Variants in HCFC1 observed in about 807,000 individuals in gnomAD.
HCFC1 encodes the protein host cell factor C1.
Under a neutral mutation model 105.5 loss-of-function variants are expected in HCFC1, and 7 were observed. That is an observed-to-expected ratio of 0.07 (90% CI 0.04 to 0.12). The LOEUF is 0.12. HCFC1 is among the 10% of genes least tolerant of loss of function. The pLI is 1.00. For synonymous variants in HCFC1, 918 were observed against 828.1 expected (o/e 1.11, Z -1.86); for missense variants, 1,065 against 1,823.6 (o/e 0.58, Z 7.58).
In HCFC1 at chrX:153,957,539, AG is replaced by A. The variant is rs35008905; in HGVS notation, c.2134-7del. ...GCTGGCAGGGGCCCTTTGGTCTGAA[AG>A]GGGGAAGCAGGTGCATGAGCCGGCA... On this transcript the variant is annotated splice_region_variant and splice_polypyrimidine_tract_variant and intron_variant, in intron 12 of 25. Transcript: ENST00000310441. 2 of 1,158,976 alleles carry A rather than the reference AG, an allele frequency of 1.7e-6. No homozygotes were observed. Among genetic ancestry groups the A allele is most frequent in the Non-Finnish European group, 1.2e-6 (1 of 853,483 alleles).
chrX:153,949,540 G>T lies in HCFC1; in HGVS notation c.6068+13C>A. The stretch of plus-strand genomic sequence containing the variant: ...TAGTCTCAGAAGGTTCCCGAGAGGG[G>T]CTTCCTGCTTACATTTCTGGAGAGG... On this transcript the variant is annotated intron_variant, in intron 25 of 25. Transcript: ENST00000310441. The T allele has an allele frequency of 8.3e-7, 1 of 1,205,823 alleles. No individual in the cohort carries two copies. Among genetic ancestry groups the T allele is most frequent in the Admixed American group, 2.2e-5 (1 of 46,085 alleles).
At chrX:153,962,152 G>A (rs1435330371) in intron 5 of HCFC1, 70 bp downstream of exon 5, 5 of 848,391 alleles carry the variant, frequency 5.9e-6, no homozygotes, top group Non-Finnish European at 8.7e-6. Context: ...GGACAAAACT[G>A]AGTGAGAGCC....
chrX:153,965,814 A>G (rs1390563895), intron 1 of HCFC1, among the ~76,000 whole-genome samples: 2 of 112,807 alleles, frequency 1.8e-5, no homozygotes, highest in Non-Finnish European at 3.8e-5. Context: ...TTGGTGGCCA[A>G]AAGTGTTGTG....
Position 153,970,750 on chromosome X carries a change from G to A in HCFC1, c.91C>T (p.Arg31Trp). 8.3e-7 allele frequency: 1 copy of A among 1,207,701 alleles called. No homozygotes were observed. Among genetic ancestry groups the A allele is most frequent in the Non-Finnish European group, 1.1e-6 (1 of 893,064 alleles). The change falls in exon 1 of 26, where the codon CGG becomes TGG. Residue 31 changes from arginine to tryptophan, a missense_variant. Transcript: ENST00000310441. ...ACGGCGCGGTGGCCGTGGCGGGGCC[G>A]TGGCACCGGACCCGACCAGCCCACC... Reference protein sequence around the residue: ...RVVGWSGPVPRPRHGHRAVAI... With the variant: ...RVVGWSGPVPWPRHGHRAVAI...
At chrX:153,953,130 G>A in intron 18 of HCFC1, 172 bp from the exon 19 acceptor site, 1 of 491,756 alleles carries the variant, frequency 2.0e-6, no homozygotes. Flanking sequence ...GGGAGGAGAG[G>A]GGCCAGAGCC....
rs1384180792 is a variant in HCFC1 at position 153,948,556 on chromosome X, TAAC to T, written c.*788_*790del. 3 of 112,903 alleles carry T rather than the reference TAAC, an allele frequency of 2.7e-5. No individual in the cohort carries two copies. The highest frequency in any genetic ancestry group is 9.3e-5 in the Admixed American group (1 of 10,756). 9.3% of individuals were successfully genotyped at this position (112,903 alleles called of 1,213,427 possible). A position where few individuals can be genotyped will look rare whatever the true frequency, so the allele number is the denominator to read the frequency against. ...AAAGATTACACATTCTGTACACAGC[TAAC>T]AACAACAAAAAAGGGACAAAACCCC... On this transcript the variant is annotated 3_prime_UTR_variant, in exon 26 of 26. Transcript: ENST00000310441.
chrX:153,950,218 G>T, intron 24 of HCFC1, 25 bp downstream of exon 24: 1 of 1,140,783 alleles, frequency 8.8e-7, no homozygotes, highest in East Asian at 3.1e-5. Context: ...CCCTGTGCCT[G>T]AAGAGCTCCA....
rs1322535449 is a variant in HCFC1 at position 153,970,961 on chromosome X, G to A, written c.-121C>T. On this transcript the variant is annotated 5_prime_UTR_variant, in exon 1 of 26. Coordinates refer to ENST00000310441, the MANE Select transcript of HCFC1 (RefSeq NM_005334.3). ...ACGGAGAAGCGGTTTCTCACACAGC[G>A]GTAGACGACTCCATGGAGGCCGCCA... 9.2e-6 allele frequency: 5 copies of A among 542,454 alleles called. No individual in the cohort carries two copies. Among genetic ancestry groups the A allele is most frequent in the African/African-American group, 4.8e-5 (2 of 41,675 alleles). 44.7% of individuals were successfully genotyped at this position (542,454 alleles called of 1,213,427 possible). A position where few individuals can be genotyped will look rare whatever the true frequency, so the allele number is the denominator to read the frequency against.
intron 5 of HCFC1, 125 bp from the exon 6 acceptor site, chrX:153,961,773 G>A (rs953235684): frequency 9.7e-6 from 5 of 516,499 alleles, no homozygotes; most frequent in Admixed American, 8.6e-5. Flanking sequence ...CCAAGGATGC[G>A]TGAAGCCTCC....
In HCFC1 at chrX:153,959,995, G is replaced by A. The variant is rs1557116313; in HGVS notation, c.1251C>T (p.Val417=). The A allele has an allele frequency of 5.8e-6, 7 of 1,211,483 alleles. No homozygotes were observed. The highest frequency in any genetic ancestry group is 2.4e-4 in the Middle Eastern group (1 of 4,239). ...ATATSPTPNP[V]PSVPANPPKS... ...TGGGAGGGTTGGCAGGCACAGATGG[G>A]ACCGGATTGGGTGTAGGGGAGGTGG... is the stretch of plus-strand genomic sequence containing the variant. Residue 417 remains valine, a synonymous_variant, in exon 8 of 26, where the codon GTC becomes GTT. Transcript: ENST00000310441.
Position 153,953,786 on chromosome X carries a change from G to A in HCFC1, c.4334-16C>T, listed in dbSNP as rs782700236. ...GGTGGGGGGTCTGTGGGGGCGACAG[G>A]CAGGCGGCTGCTCAGCAGGAGCCCC... On this transcript the variant is annotated splice_polypyrimidine_tract_variant and intron_variant, in intron 17 of 25. Transcript: ENST00000310441. The A allele has an allele frequency of 3.4e-6, 4 of 1,188,867 alleles. No homozygotes were observed. The highest frequency in any genetic ancestry group is 3.6e-5 in the South Asian group (2 of 54,810).
At chrX:153,955,577 C>T (rs2065367187) in intron 16 of HCFC1, 35 bp from the exon 17 acceptor site, 2 of 1,146,504 alleles carry the variant, frequency 1.7e-6, no homozygotes, top group East Asian at 6.0e-5. Context: ...GTTAGTGCTG[C>T]AGCTGGCTGT....
rs1002679 is a variant in HCFC1, at chrX:153,959,311, C to A, written c.1605+20G>T. 6,342 of 1,183,236 alleles carry A rather than the reference C, an allele frequency of 5.4e-3. 209 individuals are homozygous for A. In the African/African-American group the frequency reaches 0.095, roughly 18 times the overall value. ...CTGGATCAACAGGAAATCCCACCCG[C>A]CCCAGTGACCACTCCTCACCGTTCC... On this transcript the variant is annotated intron_variant, in intron 9 of 25. Coordinates refer to ENST00000310441, the MANE Select transcript of HCFC1 (RefSeq NM_005334.3).
Position 153,949,316 on chromosome X carries a change from G to C in HCFC1, c.*31C>G. On this transcript the variant is annotated 3_prime_UTR_variant, in exon 26 of 26. Transcript: ENST00000310441. ...GGTGTTCCTGAAGCAGGGGGGTCTG[G>C]AGAAGAATCCAGGGGCTAGTCAGCT... is the stretch of plus-strand genomic sequence containing the variant. 8.5e-7 allele frequency: 1 copy of C among 1,183,427 alleles called. No homozygotes were observed. The highest frequency in any genetic ancestry group is 1.1e-6 in the Non-Finnish European group (1 of 872,288).
intron 9 of HCFC1, among the ~76,000 whole-genome samples, chrX:153,959,107 C>T (rs1054233122): frequency 2.7e-5 from 3 of 113,154 alleles, no homozygotes; most frequent in African/African-American, 9.6e-5. Flanking sequence ...GTCCACGTGG[C>T]AAATGCTCTT....
intron 1 of HCFC1, among the ~76,000 whole-genome samples, chrX:153,969,604 A>G (rs781844914): frequency 8.9e-6 from 1 of 112,925 alleles, no homozygotes; most frequent in Admixed American, 9.3e-5. Context: ...CCAAGTAGCC[A>G]CCAAGAAAAA....
intron 13 of HCFC1, 67 bp downstream of exon 13, chrX:153,957,247 T>C (rs1371570696): frequency 3.9e-6 from 4 of 1,025,972 alleles, no homozygotes; most frequent in Admixed American, 5.3e-5. Context: ...GCACGCCTTA[T>C]AACCCGGACT....
intron 4 of HCFC1, among the ~76,000 whole-genome samples, chrX:153,962,677 G>A (rs191813403): frequency 1.2e-4 from 13 of 112,204 alleles, no homozygotes; most frequent in African/African-American, 3.2e-5. Flanking sequence ...ATTCTCTCAC[G>A]GGAAACTGCT....
At chrX:153,967,897 G>A (rs1296996804) in intron 1 of HCFC1, among the ~76,000 whole-genome samples, 5 of 111,500 alleles carry the variant, frequency 4.5e-5, no homozygotes, top group Non-Finnish European at 7.5e-5. Flanking sequence ...TAGATACAGG[G>A]ACAGAGGAGA....
Sources: allele counts gnomAD v4.1 joint callset (sites outside exome capture counted in the v4.1 genomes callset), GRCh38; gene constraint gnomAD v4.1.1; transcripts MANE v1.5; gene names NCBI Gene and HGNC (gene_info 2026-07-23, HGNC 2026-07-21).